SOS2: variants seen among roughly 807,000 people sequenced by gnomAD.
SOS2 encodes SOS Ras/Rho guanine nucleotide exchange factor 2.
SOS2 carries 65 observed loss-of-function variants against 148.2 expected under a neutral mutation model. That is an observed-to-expected ratio of 0.44 (90% confidence interval 0.36 to 0.54). The LOEUF (loss-of-function observed/expected upper bound fraction) is 0.54, where lower values mean the gene tolerates loss of function less well. Ranked by LOEUF, SOS2 falls within the 20% of genes least tolerant of loss-of-function variation. The pLI is 0.00. For missense variants in SOS2, 1,341 were observed against 1,590.2 expected (o/e 0.84, Z 2.67); for synonymous variants, 539 against 537.1 (o/e 1.00, Z -0.05).
At chr14:50,181,220 G>A (rs1348136897) in intron 6 of SOS2, among the ~76,000 whole-genome samples, 1 of 152,058 alleles carries the variant, frequency 6.6e-6, no homozygotes, top group Non-Finnish European at 1.5e-5. Flanking sequence ...AGGCCGAGGC[G>A]GACGGATCAT....
intron 8 of SOS2, among the ~76,000 whole-genome samples, chr14:50,167,087 GATC>G (rs1252406374): frequency 6.6e-6 from 1 of 151,206 alleles, no homozygotes; most frequent in Non-Finnish European, 1.5e-5. Context: ...AAAAACCCGT[GATC>G]ATATTTCTTT....
At position 50,199,728 on chromosome 14, in the gene SOS2, G is replaced by C; in HGVS notation, c.473C>G (p.Ser158Cys). The C allele has an allele frequency of 1.2e-6, 2 of 1,609,268 alleles. No individual in the cohort carries two copies. Among genetic ancestry groups the C allele is most frequent in the Middle Eastern group, 1.7e-4 (1 of 6,042 alleles). The change falls in exon 4 of 23, where the codon TCT becomes TGT. Residue 158 changes from serine to cysteine, a missense_variant. Physicochemically the swap from Ser to Cys is moderately radical, Grantham distance 112. Transcript: ENST00000216373. ...CATTGACACTTTAATGTCCTGCTGAGATATTTCATAATGCCGGATATTAAA... is the reference window on the plus strand; with the variant it reads ...CATTGACACTTTAATGTCCTGCTGACATATTTCATAATGCCGGATATTAAA... ...YVFNIRHYEI[S>C]QQDIKVSMCA...
intron 4 of SOS2, among the ~76,000 whole-genome samples, chr14:50,192,143 CAA>C (rs201836422): frequency 5.9e-5 from 7 of 118,922 alleles, no homozygotes; most frequent in African/African-American, 2.4e-4. Flanking sequence ...GTCCTTGTCA[CAA>C]AAAAAAAAAA....
intron 6 of SOS2, 117 bp from the exon 7 acceptor site, chr14:50,180,799 T>C: frequency 1.7e-6 from 1 of 577,996 alleles, no homozygotes; most frequent in Non-Finnish European, 3.0e-6. Flanking sequence ...GCTATGATTG[T>C]GCCACTATAT....
At position 50,118,723 on chromosome 14, in the gene SOS2, G is replaced by A; in HGVS notation, c.3620C>T (p.Pro1207Leu). ...DGPLHSPPPP[P>L]PRDPLPDTPP... ...GGTATCAGGAAGAGGATCTCTTGGT[G>A]GTGGCGGAGGTGGACTATGCAGAGG... is the stretch of plus-strand genomic sequence containing the variant. The change falls in exon 23 of 23, where the codon CCA becomes CTA. Residue 1207 changes from proline to leucine, a missense_variant. By Grantham distance (98) the Pro-to-Leu change is moderately conservative. Transcript: ENST00000216373. 1 of 1,613,756 alleles carries A rather than the reference G, an allele frequency of 6.2e-7. No homozygotes were observed. Among genetic ancestry groups the A allele is most frequent in the Non-Finnish European group, 8.5e-7 (1 of 1,179,976 alleles).
At chr14:50,148,785 T>C (rs1184925244) in intron 14 of SOS2, among the ~76,000 whole-genome samples, 2 of 152,244 alleles carry the variant, frequency 1.3e-5, no homozygotes, top group Non-Finnish European at 2.9e-5. Flanking sequence ...GTAAACATAA[T>C]GTAGTAAAGG....
intron 1 of SOS2, among the ~76,000 whole-genome samples, chr14:50,227,473 C>T (rs554422550): frequency 3.8e-4 from 57 of 150,886 alleles, no homozygotes; most frequent in African/African-American, 1.3e-3. Flanking sequence ...AGTGCAGTGG[C>T]GCGATCTCGG....
chr14:50,142,018 T>TG (rs1884309552), intron 16 of SOS2, among the ~76,000 whole-genome samples: 2 of 151,730 alleles, frequency 1.3e-5, no homozygotes, highest in Admixed American at 6.6e-5. Context: ...TTCTTTTTTT[T>TG]TTTTTTTGAG....
intron 21 of SOS2, among the ~76,000 whole-genome samples, chr14:50,125,315 C>A (rs1384977484): frequency 6.6e-6 from 1 of 152,204 alleles, no homozygotes; most frequent in Non-Finnish European, 1.5e-5. Flanking sequence ...AGGAAGGATT[C>A]TCTTCTCCAA....
chr14:50,214,035 T>C (rs541210932), intron 1 of SOS2, among the ~76,000 whole-genome samples: 1 of 152,136 alleles, frequency 6.6e-6, no homozygotes, highest in African/African-American at 2.4e-5. Flanking sequence ...AGTAAATAAA[T>C]CACTTTGAAA....
intron 21 of SOS2, among the ~76,000 whole-genome samples, chr14:50,120,802 C>T (rs145850242): frequency 0.021 from 2,971 of 140,732 alleles, 66 homozygotes; most frequent in Non-Finnish European, 0.026. Flanking sequence ...TGCAATGGCA[C>T]GATCTCGGCT....
At chr14:50,174,226 TAA>T (rs1779627962) in intron 8 of SOS2, among the ~76,000 whole-genome samples, 1 of 152,088 alleles carries the variant, frequency 6.6e-6, no homozygotes, top group Non-Finnish European at 1.5e-5. Flanking sequence ...GGGTCCCAGC[TAA>T]GAGAGGAAGA....
chr14:50,231,599 G>C (rs1408179899), upstream of SOS2: 3 of 152,902 alleles, frequency 2.0e-5, no homozygotes, highest in African/African-American at 7.2e-5. Flanking sequence ...CTCCTCCTTT[G>C]TCTGGGTTCG....
At position 50,118,856 on chromosome 14, in the gene SOS2, C is replaced by A. The variant is rs1399710421; in HGVS notation, c.3490-3G>T. The stretch of plus-strand genomic sequence containing the variant: ...TCATCATCAGATTTCATATTTCCCT[C>A]AAAAAAAAAAGTAATTAAATTATAC... On this transcript the variant is annotated splice_region_variant and splice_polypyrimidine_tract_variant and intron_variant, in intron 22 of 22. Coordinates refer to ENST00000216373, the MANE Select transcript of SOS2 (RefSeq NM_006939.4). 3.0e-4 allele frequency: 353 copies of A among 1,179,584 alleles called. No homozygotes were observed. Among genetic ancestry groups the A allele is most frequent in the South Asian group, 1.8e-3 (66 of 37,574 alleles). The allele number at this position is 1,179,584 out of a possible 1,614,324, so 73.1% of individuals were successfully genotyped here. A position where few individuals can be genotyped will look rare whatever the true frequency, so the allele number is the denominator to read the frequency against.
chr14:50,181,711 C>T (rs1885746365), intron 6 of SOS2, among the ~76,000 whole-genome samples: 1 of 151,888 alleles, frequency 6.6e-6, no homozygotes, highest in South Asian at 2.1e-4. Flanking sequence ...TTTGCAAACA[C>T]ACATACATTC....
intron 1 of SOS2, among the ~76,000 whole-genome samples, chr14:50,218,775 A>C (rs868541483): frequency 3.3e-5 from 5 of 152,310 alleles, no homozygotes; most frequent in Non-Finnish European, 7.3e-5. Flanking sequence ...GCTGGTGGGA[A>C]TGTAAAACTA....
At chr14:50,124,316 C>A (rs1344105930) in intron 21 of SOS2, among the ~76,000 whole-genome samples, 2 of 152,086 alleles carry the variant, frequency 1.3e-5, no homozygotes, top group African/African-American at 4.8e-5. Flanking sequence ...CAAGCAGTGA[C>A]AAGTGAAGTG....
intron 1 of SOS2, among the ~76,000 whole-genome samples, chr14:50,224,362 C>T (rs929087320): frequency 3.5e-4 from 36 of 101,422 alleles, no homozygotes; most frequent in Admixed American, 6.2e-4. Flanking sequence ...CACACACACA[C>T]ACATATATAT....
At chr14:50,182,140 C>A (rs1222747020) in intron 6 of SOS2, among the ~76,000 whole-genome samples, 1 of 152,026 alleles carries the variant, frequency 6.6e-6, no homozygotes, top group Non-Finnish European at 1.5e-5. Flanking sequence ...TCAGTTAAAT[C>A]TTAAATATCT....
Sources: allele counts gnomAD v4.1 joint callset (sites outside exome capture counted in the v4.1 genomes callset), GRCh38; gene constraint gnomAD v4.1.1; transcripts MANE v1.5; gene names NCBI Gene and HGNC (gene_info 2026-07-23, HGNC 2026-07-21).